The following MIX23 variants were observed in gnomAD, a reference collection of about 807,000 sequenced individuals.
MIX23 encodes the protein protein MIX23.
Under a neutral mutation model 21.6 loss-of-function variants are expected in MIX23, and 13 were observed. The observed-to-expected ratio is 0.60, with a 90% CI of 0.39 to 0.96. The LOEUF (loss-of-function observed/expected upper bound fraction) is 0.96. MIX23 is among the 40% of genes least tolerant of loss of function. MIX23 has a pLI of 0.00. For synonymous variants in MIX23, 59 were observed against 58.0 expected (o/e 1.02, Z -0.08); for missense variants, 144 against 171.2 (o/e 0.84, Z 0.89).
intron 1 of MIX23, among the ~76,000 whole-genome samples, chr3:122,379,794 T>G (rs57455937): frequency 2.6e-5 from 4 of 152,322 alleles, no homozygotes; most frequent in African/African-American, 9.6e-5. Context: ...AAAGATAACT[T>G]TATAAATTCT....
At chr3:122,378,961 T>C (rs1371883997) in intron 1 of MIX23, among the ~76,000 whole-genome samples, 1 of 152,228 alleles carries the variant, frequency 6.6e-6, no homozygotes, top group Non-Finnish European at 1.5e-5. Context: ...GGAGATAGCA[T>C]AAATGCAAAA....
At chr3:122,369,490 T>C (rs140136372) in intron 2 of MIX23, among the ~76,000 whole-genome samples, 1 of 152,348 alleles carries the variant, frequency 6.6e-6, no homozygotes, top group East Asian at 1.9e-4. Flanking sequence ...GGGAACTCAG[T>C]GGTGCTTATT....
At chr3:122,381,176 C>T (rs9863881) in intron 1 of MIX23, among the ~76,000 whole-genome samples, 55,088 of 152,004 alleles carry the variant, frequency 0.36, 11,321 homozygotes, top group East Asian at 0.65. Context: ...ATTCTTTTTT[C>T]TTCCCAATAT....
At chr3:122,368,438 C>G (rs1168127471) in intron 2 of MIX23, 116 bp from the exon 3 acceptor site, 1 of 1,011,048 alleles carries the variant, frequency 9.9e-7, no homozygotes, top group Non-Finnish European at 1.4e-6. Flanking sequence ...AAAACAATTT[C>G]TGACGACTGA....
chr3:122,366,324 T>G (rs922601356), intron 3 of MIX23: 1 of 152,180 alleles, frequency 6.6e-6, no homozygotes, highest in Non-Finnish European at 1.5e-5. Context: ...TGAGCAGGTA[T>G]GGAATACAGA....
intron 1 of MIX23, among the ~76,000 whole-genome samples, chr3:122,375,056 C>G (rs1440342172): frequency 2.6e-5 from 4 of 152,088 alleles, no homozygotes; most frequent in Admixed American, 2.6e-4. Context: ...ATTGCTTGAG[C>G]TGAGGAGGTT....
At chr3:122,371,587 T>C in intron 2 of MIX23, 88 bp downstream of exon 2, 1 of 1,437,584 alleles carries the variant, frequency 7.0e-7, no homozygotes, top group Non-Finnish European at 9.8e-7. Flanking sequence ...ATTCCTTTAG[T>C]CACAGTCGAG....
At chr3:122,362,698 C>T (rs1170544674) in intron 4 of MIX23, among the ~76,000 whole-genome samples, 1 of 152,022 alleles carries the variant, frequency 6.6e-6, no homozygotes, top group African/African-American at 2.4e-5. Flanking sequence ...CCTTGGCCTC[C>T]CAAAGTGTTG....
At chr3:122,377,357 A>T (rs922011497) in intron 1 of MIX23, among the ~76,000 whole-genome samples, 1 of 152,208 alleles carries the variant, frequency 6.6e-6, no homozygotes, top group Non-Finnish European at 1.5e-5. Flanking sequence ...ATCGGGGTGG[A>T]GTTATATTAA....
chr3:122,361,800 T>G (rs1380789234), intron 4 of MIX23, among the ~76,000 whole-genome samples: 1 of 152,204 alleles, frequency 6.6e-6, no homozygotes, highest in Non-Finnish European at 1.5e-5. Flanking sequence ...TAGGAAACCT[T>G]GGCAAAGAGG....
chr3:122,376,983 G>C (rs1255340508), intron 1 of MIX23, among the ~76,000 whole-genome samples: 1 of 152,144 alleles, frequency 6.6e-6, no homozygotes, highest in Non-Finnish European at 1.5e-5. Flanking sequence ...AGGAGTTTGA[G>C]ACCAGTTTGG....
intron 4 of MIX23, 54 bp from the exon 5 acceptor site, chr3:122,359,973 C>A: frequency 6.6e-7 from 1 of 1,506,240 alleles, no homozygotes; most frequent in Non-Finnish European, 9.0e-7. Flanking sequence ...GTAAATCAGG[C>A]CTGGAACTAA....
intron 1 of MIX23, among the ~76,000 whole-genome samples, chr3:122,375,454 T>A (rs13097392): frequency 0.014 from 2,146 of 152,298 alleles, 21 homozygotes; most frequent in Middle Eastern, 0.024. Context: ...AAAGTTGTAA[T>A]CTTTTGGAGA....
At chr3:122,381,076 T>C (rs183781148) in intron 1 of MIX23, among the ~76,000 whole-genome samples, 1 of 152,358 alleles carries the variant, frequency 6.6e-6, no homozygotes, top group Non-Finnish European at 1.5e-5. Flanking sequence ...TACATAAAAC[T>C]TTTTTGTCTA....
intron 3 of MIX23, chr3:122,365,318 C>G (rs2075388449): frequency 1.3e-5 from 2 of 152,084 alleles, no homozygotes; most frequent in Admixed American, 1.3e-4. Flanking sequence ...GGGTTAAAGT[C>G]CCAGTTCTAC....
chr3:122,378,702 G>C (rs1457086830), intron 1 of MIX23, among the ~76,000 whole-genome samples: 1 of 152,256 alleles, frequency 6.6e-6, no homozygotes, highest in Middle Eastern at 3.4e-3. Flanking sequence ...AATCTCATGG[G>C]ACCACCGTTG....
At chr3:122,383,029 C>G (rs2075547447) in intron 1 of MIX23, 145 bp downstream of exon 1, 1 of 1,056,282 alleles carries the variant, frequency 9.5e-7, no homozygotes, top group Non-Finnish European at 1.5e-6. Context: ...CAAACCCGCG[C>G]CCCCCATGAC....
chr3:122,371,542 T>A, intron 2 of MIX23, 133 bp downstream of exon 2: 2 of 1,005,030 alleles, frequency 2.0e-6, no homozygotes, highest in Non-Finnish European at 3.0e-6. Flanking sequence ...TCAAAACTTA[T>A]ATACACCATC....
chr3:122,365,682 A>G (rs66508963), intron 3 of MIX23: 25,998 of 152,108 alleles, frequency 0.17, 2,416 homozygotes, highest in Middle Eastern at 0.27. Flanking sequence ...GTGTGTCACA[A>G]TCATTCCCAA....
Sources: gnomAD v4.1 joint callset for allele counts (sites outside exome capture counted in the v4.1 genomes callset) on GRCh38, gnomAD v4.1.1 for gene constraint, MANE v1.5 for transcripts, NCBI Gene and HGNC (gene_info 2026-07-23, HGNC 2026-07-21) for gene names.